Variants in ST8SIA2 observed in about 807,000 individuals in gnomAD.
ST8SIA2 encodes ST8 alpha-N-acetyl-neuraminide alpha-2,8-sialyltransferase 2.
ST8SIA2 carries 22 observed loss-of-function variants against 37.6 expected under a neutral mutation model. That is an observed-to-expected ratio of 0.58 (90% confidence interval 0.42 to 0.83). The LOEUF is 0.83. Ranked by LOEUF, ST8SIA2 falls within the 40% of genes least tolerant of loss-of-function variation. The pLI is 0.00. For missense variants in ST8SIA2, 382 were observed against 484.7 expected, an observed-to-expected ratio of 0.79 and a Z score of 1.99; for synonymous variants, 205 against 201.2, an observed-to-expected ratio of 1.02 and a Z score of -0.16.
At chr15:92,416,701 C>T (rs76228403) in intron 1 of ST8SIA2, among the ~76,000 whole-genome samples, 5 of 152,246 alleles carry the variant, frequency 3.3e-5, no homozygotes, top group East Asian at 3.9e-4. Context: ...AGGGTCCCGT[C>T]GGGATTCAGT....
In ST8SIA2 at chr15:92,468,522, G is replaced by A. The variant is rs547777485; in HGVS notation, c.*4137G>A. On this transcript the variant is annotated 3_prime_UTR_variant, in exon 6 of 6. Transcript: ENST00000268164. ...TCTCTCCCTCTGCTGAACCACCGTA[G>A]CACTTTATTTGTACCTTTCTCATGG... 6.5e-6 allele frequency: 1 copy of A among 152,804 alleles called. No individual in the cohort carries two copies. Among genetic ancestry groups the A allele is most frequent in the Admixed American group, 6.5e-5 (1 of 15,310 alleles). 9.5% of individuals were successfully genotyped at this position (152,804 alleles called of 1,614,324 possible). A position where few individuals can be genotyped will look rare whatever the true frequency, so the allele number is the denominator to read the frequency against.
intron 1 of ST8SIA2, among the ~76,000 whole-genome samples, chr15:92,398,640 C>A (rs1296375674): frequency 6.6e-6 from 1 of 152,210 alleles, no homozygotes; most frequent in Non-Finnish European, 1.5e-5. Flanking sequence ...GCTGGATCCT[C>A]ACCAGAACCC....
At chr15:92,443,565 C>T (rs2049818664) in intron 4 of ST8SIA2, among the ~76,000 whole-genome samples, 1 of 152,136 alleles carries the variant, frequency 6.6e-6, no homozygotes, top group Middle Eastern at 3.2e-3. Context: ...CTGTCACTCT[C>T]CTGCTCCAGA....
rs562663280 is a variant in ST8SIA2 at position 92,398,432 on chromosome 15, T to C, written c.98+4270T>C. 1.3e-3 allele frequency among the ~76,000 whole-genome samples: 202 copies of C among 152,318 alleles called. 1 individual carries two copies. The highest frequency in any genetic ancestry group is 4.7e-3 in the African/African-American group (195 of 41,578). On this transcript the variant is annotated intron_variant, in intron 1 of 5. Coordinates refer to ENST00000268164, the MANE Select transcript of ST8SIA2 (RefSeq NM_006011.4). The stretch of plus-strand genomic sequence containing the variant: ...GTTGAGTGACTAGTAAAGATAACAA[T>C]AGCAATTATGACAACGGTGAAGATG...
At chr15:92,437,919 G>T (rs2049770567) in intron 3 of ST8SIA2, among the ~76,000 whole-genome samples, 1 of 152,212 alleles carries the variant, frequency 6.6e-6, no homozygotes. Context: ...CTAAGACAGT[G>T]AGGGTAATGT....
chr15:92,407,004 A>AAG (rs920994446), intron 1 of ST8SIA2, among the ~76,000 whole-genome samples: 1 of 150,700 alleles, frequency 6.6e-6, no homozygotes, highest in African/African-American at 2.5e-5. Context: ...CAAAAAAAAA[A>AAG]AAAAGAAAAG....
rs1053248190 is a variant in ST8SIA2 at position 92,445,032 on chromosome 15, C to T, written c.842+103C>T. On this transcript the variant is annotated intron_variant, in intron 5 of 5. Coordinates refer to ENST00000268164, the MANE Select transcript of ST8SIA2 (RefSeq NM_006011.4). ...GTGCATTTCCATCCCAGCTCCACCA[C>T]TCATTTGCTGGATGGCCTCAGCAAG... is the stretch of plus-strand genomic sequence containing the variant. The T allele has an allele frequency of 3.3e-6, 5 of 1,529,850 alleles. No homozygotes were observed. The East Asian group carries it at 1.1e-4, about 34-fold the overall frequency. 94.8% of individuals were successfully genotyped at this position (1,529,850 alleles called of 1,614,324 possible). A position where few individuals can be genotyped will look rare whatever the true frequency, so the allele number is the denominator to read the frequency against.
chr15:92,400,343 A>C (rs1430663038), intron 1 of ST8SIA2, among the ~76,000 whole-genome samples: 1 of 152,210 alleles, frequency 6.6e-6, no homozygotes, highest in African/African-American at 2.4e-5. Flanking sequence ...GGTTTAGTAA[A>C]TGAAGCCTAT....
chr15:92,410,014 G>A (rs2049538058), intron 1 of ST8SIA2, among the ~76,000 whole-genome samples: 1 of 152,256 alleles, frequency 6.6e-6, no homozygotes, highest in African/African-American at 2.4e-5. Flanking sequence ...GAGTTTCGGG[G>A]TCTGGGCTTT....
At chr15:92,449,683 T>C (rs1485599599) in intron 5 of ST8SIA2, among the ~76,000 whole-genome samples, 3 of 152,226 alleles carry the variant, frequency 2.0e-5, no homozygotes, top group African/African-American at 7.2e-5. Context: ...GACTTTTTAA[T>C]AATAGCCATT....
At chr15:92,439,227 T>C (rs1414766763) in intron 4 of ST8SIA2, among the ~76,000 whole-genome samples, 2 of 152,210 alleles carry the variant, frequency 1.3e-5, no homozygotes, top group Non-Finnish European at 2.9e-5. Flanking sequence ...TGTAAGTGTC[T>C]TGGGAGGGGG....
At chr15:92,436,112 C>T (rs1300798901) in intron 3 of ST8SIA2, among the ~76,000 whole-genome samples, 4 of 152,126 alleles carry the variant, frequency 2.6e-5, no homozygotes, top group East Asian at 1.9e-4. Flanking sequence ...AAGGCCCACC[C>T]GGGTAATCCA....
At chr15:92,397,392 C>T (rs1037443350) in intron 1 of ST8SIA2, among the ~76,000 whole-genome samples, 1 of 152,156 alleles carries the variant, frequency 6.6e-6, no homozygotes. Context: ...CTGAGACACA[C>T]ATCTCTTTTC....
At chr15:92,418,280 C>T (rs2049602496) in intron 1 of ST8SIA2, among the ~76,000 whole-genome samples, 1 of 151,600 alleles carries the variant, frequency 6.6e-6, no homozygotes, top group African/African-American at 2.4e-5. Flanking sequence ...ATGGCAAAAC[C>T]CAAACTCTAC....
chr15:92,415,653 T>C (rs1434441238), intron 1 of ST8SIA2, among the ~76,000 whole-genome samples: 1 of 152,050 alleles, frequency 6.6e-6, no homozygotes, highest in Non-Finnish European at 1.5e-5. Context: ...TCTGACTGTT[T>C]AGAAGGAGCC....
chr15:92,445,304 T>G (rs1305563808), intron 5 of ST8SIA2, among the ~76,000 whole-genome samples: 4 of 152,212 alleles, frequency 2.6e-5, no homozygotes, highest in African/African-American at 9.6e-5. Flanking sequence ...CAGGATCAGA[T>G]GCACTTGACT....
At chr15:92,406,376 A>G (rs2049508027) in intron 1 of ST8SIA2, among the ~76,000 whole-genome samples, 1 of 152,190 alleles carries the variant, frequency 6.6e-6, no homozygotes, top group South Asian at 2.1e-4. Context: ...CCACACTTTG[A>G]GAACCAGTGA....
chr15:92,411,167 T>C (rs1337379794), intron 1 of ST8SIA2, among the ~76,000 whole-genome samples: 1 of 152,108 alleles, frequency 6.6e-6, no homozygotes, highest in Non-Finnish European at 1.5e-5. Context: ...CCCCTTGAAA[T>C]TGTAGGCATT....
At chr15:92,405,485 T>G (rs2049501820) in intron 1 of ST8SIA2, among the ~76,000 whole-genome samples, 2 of 152,278 alleles carry the variant, frequency 1.3e-5, no homozygotes, top group Non-Finnish European at 2.9e-5. Flanking sequence ...TTGCATGTTA[T>G]GTGTATTTTC....
Sources: allele counts gnomAD v4.1 joint callset (sites outside exome capture counted in the v4.1 genomes callset), GRCh38; gene constraint gnomAD v4.1.1; transcripts MANE v1.5; gene names NCBI Gene and HGNC (gene_info 2026-07-23, HGNC 2026-07-21).